ITGB3BP: variants seen among roughly 807,000 people sequenced by gnomAD.
ITGB3BP encodes centromere protein R.
A neutral mutation model predicts 29.1 loss-of-function variants in ITGB3BP; 27 were observed. The ratio of observed to expected loss-of-function variants is 0.93; its 90% CI spans 0.68 to 1.28. The LOEUF is 1.28. ITGB3BP is among the 50% of genes most tolerant of loss of function. ITGB3BP has a pLI of 0.00. For missense variants in ITGB3BP, 192 were observed against 200.2 expected (o/e 0.96, Z 0.25); for synonymous variants, 61 against 61.4 (o/e 0.99, Z 0.03).
intron 4 of ITGB3BP, among the ~76,000 whole-genome samples, chr1:63,466,516 A>G (rs985165639): frequency 5.3e-5 from 8 of 152,380 alleles, no homozygotes; most frequent in African/African-American, 1.9e-4. Context: ...TGTACGTTTC[A>G]TCACGTGCAC....
intron 1 of ITGB3BP, among the ~76,000 whole-genome samples, chr1:63,515,440 G>A (rs1646293980): frequency 6.6e-6 from 1 of 151,728 alleles, no homozygotes; most frequent in Non-Finnish European, 1.5e-5. Flanking sequence ...TTTCAAAATT[G>A]TTTTGGCTAC....
intron 4 of ITGB3BP, among the ~76,000 whole-genome samples, chr1:63,469,047 C>CAA (rs67619203): frequency 7.0e-6 from 1 of 142,638 alleles, no homozygotes; most frequent in Non-Finnish European, 1.5e-5. Flanking sequence ...GAGACTGTTT[C>CAA]AAAAAAAAAA....
intron 4 of ITGB3BP, among the ~76,000 whole-genome samples, chr1:63,468,897 A>ATAAT (rs1470515915): frequency 7.4e-6 from 1 of 134,704 alleles, no homozygotes; most frequent in African/African-American, 2.6e-5. Context: ...AAATAAATAA[A>ATAAT]TAAATAAGGT....
intron 1 of ITGB3BP, among the ~76,000 whole-genome samples, chr1:63,521,418 G>A (rs1646441850): frequency 6.8e-6 from 1 of 147,730 alleles, no homozygotes; most frequent in South Asian, 2.2e-4. Context: ...ATATATATTA[G>A]CTATATATGT....
intron 1 of ITGB3BP, chr1:63,522,822 T>C (rs968965464): frequency 6.1e-6 from 3 of 491,340 alleles, no homozygotes; most frequent in Non-Finnish European, 1.1e-5. Context: ...TCATCTACTC[T>C]GTCCCATCCT....
chr1:63,447,629 A>G, intron 7 of ITGB3BP: 1 of 491,864 alleles, frequency 2.0e-6, no homozygotes, highest in South Asian at 1.5e-5. Context: ...AAGGATGAGC[A>G]GGAGTTTGTA....
intron 1 of ITGB3BP, among the ~76,000 whole-genome samples, chr1:63,511,217 C>T (rs969423248): frequency 2.0e-5 from 3 of 151,946 alleles, no homozygotes; most frequent in Non-Finnish European, 2.9e-5. Flanking sequence ...ATCAGAACCA[C>T]AATGAAATAT....
In ITGB3BP at chr1:63,501,914, A is replaced by G. The variant is rs962777357; in HGVS notation, c.48+6614T>C. The stretch of plus-strand genomic sequence containing the variant: ...TAAGTTATGGAGTACCCTTGACTGG[A>G]TATCTATATATAAATCAGCAAACCT... On this transcript the variant is annotated intron_variant, in intron 2 of 8. Coordinates refer to ENST00000271002, the MANE Select transcript of ITGB3BP (RefSeq NM_014288.5). Among the ~76,000 whole-genome samples, 5 of 151,716 alleles carry G rather than the reference A, an allele frequency of 3.3e-5. No individual in the cohort carries two copies. The South Asian group carries it at 1.0e-3, about 32-fold the overall frequency.
chr1:63,510,060 C>G (rs769768163), intron 1 of ITGB3BP: 2 of 596,368 alleles, frequency 3.4e-6, no homozygotes, highest in South Asian at 3.8e-5. Flanking sequence ...CGTGGTGGTG[C>G]GTGCCTGTAA....
At chr1:63,452,633 C>CT (rs57856763) in intron 7 of ITGB3BP, among the ~76,000 whole-genome samples, 6 of 15,404 alleles carry the variant, frequency 3.9e-4, no homozygotes, top group African/African-American at 4.2e-4. Context: ...TCTTTTCTTT[C>CT]TTTTTTTTTT....
At chr1:63,497,197 C>A (rs552232383) in intron 2 of ITGB3BP, among the ~76,000 whole-genome samples, 1 of 151,984 alleles carries the variant, frequency 6.6e-6, no homozygotes, top group East Asian at 1.9e-4. Flanking sequence ...CCTAGCTACT[C>A]GGGAGGTTGA....
chr1:63,442,010 G>T (rs1156794378), intron 8 of ITGB3BP, among the ~76,000 whole-genome samples: 3 of 152,166 alleles, frequency 2.0e-5, no homozygotes, highest in Non-Finnish European at 4.4e-5. Context: ...GACTGCTTGA[G>T]CCCAGGAGGT....
chr1:63,490,470 C>T (rs1645622419), intron 2 of ITGB3BP, among the ~76,000 whole-genome samples: 2 of 152,174 alleles, frequency 1.3e-5, no homozygotes, highest in Non-Finnish European at 2.9e-5. Context: ...TTACTACCTT[C>T]TGAGATGGTA....
chr1:63,478,977 G>GT (rs916210178), intron 3 of ITGB3BP, 144 bp from the exon 4 acceptor site: 115 of 366,986 alleles, frequency 3.1e-4, no homozygotes, highest in Non-Finnish European at 4.4e-4. Context: ...ATCCTATTTT[G>GT]TTTTTTTTCA....
At chr1:63,487,356 T>A (rs1645550781) in intron 3 of ITGB3BP, among the ~76,000 whole-genome samples, 1 of 151,992 alleles carries the variant, frequency 6.6e-6, no homozygotes, top group Non-Finnish European at 1.5e-5. Context: ...TGCTATGGGT[T>A]GGAGGAGGGC....
chr1:63,497,991 A>G (rs1192091835), intron 2 of ITGB3BP, among the ~76,000 whole-genome samples: 2 of 152,246 alleles, frequency 1.3e-5, no homozygotes, highest in African/African-American at 4.8e-5. Flanking sequence ...AAAAAACAAA[A>G]AACAAAAAAA....
At position 63,456,272 on chromosome 1, in the gene ITGB3BP, A is replaced by G. The variant is rs190823771; in HGVS notation, c.255-1304T>C. On this transcript the variant is annotated intron_variant, in intron 4 of 8. Transcript: ENST00000271002. ...TATCTAAGTATGCGAACAAGAAACA[A>G]GAGACTTTTGATAGCATTATGAAAA... Among the ~76,000 whole-genome samples the G allele has an allele frequency of 1.9e-3, 292 of 152,308 alleles. 1 individual carries two copies. The highest frequency in any genetic ancestry group is 6.8e-3 in the African/African-American group (281 of 41,568).
At chr1:63,528,925 GC>G (rs1211096753) in intron 2 of ITGB3BP, among the ~76,000 whole-genome samples, 1 of 151,708 alleles carries the variant, frequency 6.6e-6, no homozygotes, top group Non-Finnish European at 1.5e-5. Flanking sequence ...AAACATCTTT[GC>G]ACACTAAGCC....
At position 63,490,042 on chromosome 1, in the gene ITGB3BP, A is replaced by G. The variant is rs776979714; in HGVS notation, c.184+41T>C. ...CACAATTTTGATTTGGCCAATAACT[A>G]GAAAAACCTTACAATAAGTAGAAAA... On this transcript the variant is annotated intron_variant, in intron 3 of 8. Transcript: ENST00000271002. 18 of 1,571,484 alleles carry G rather than the reference A, an allele frequency of 1.1e-5. No individual in the cohort carries two copies. In the East Asian group the frequency reaches 3.4e-4, roughly 30 times the overall value.
Sources: allele counts gnomAD v4.1 joint callset (sites outside exome capture counted in the v4.1 genomes callset), GRCh38; gene constraint gnomAD v4.1.1; transcripts MANE v1.5; gene names NCBI Gene and HGNC (gene_info 2026-07-23, HGNC 2026-07-21).